ACOXL: variants seen among roughly 807,000 people sequenced by gnomAD.
The protein encoded by ACOXL is acyl-CoA oxidase like.
A neutral mutation model predicts 71.9 loss-of-function variants in ACOXL; 70 were observed. The ratio of observed to expected loss-of-function variants is 0.97; its 90% CI spans 0.80 to 1.19. ACOXL has a LOEUF of 1.19. Among genes scored for constraint, ACOXL ranks in the 50% most tolerant of loss-of-function variants. The pLI, the probability that ACOXL is intolerant of heterozygous loss-of-function variation, is 0.00. For synonymous variants in ACOXL, 253 were observed against 281.6 expected, an observed-to-expected ratio of 0.90 and a Z score of 1.02; for missense variants, 703 against 736.3, an observed-to-expected ratio of 0.95 and a Z score of 0.52.
chr2:110,854,093 G>A (rs903374804), intron 10 of ACOXL, among the ~76,000 whole-genome samples: 2 of 152,038 alleles, frequency 1.3e-5, no homozygotes, highest in Admixed American at 6.6e-5. Flanking sequence ...ATGCTCCAAG[G>A]CATGTGTGTG....
intron 9 of ACOXL, among the ~76,000 whole-genome samples, chr2:110,811,290 G>C (rs1573629525): frequency 6.6e-6 from 1 of 152,316 alleles, no homozygotes; most frequent in Non-Finnish European, 1.5e-5. Context: ...GCAGAGTAAG[G>C]AGTGTCTCTG....
At chr2:111,026,852 A>G (rs1574524334) in intron 14 of ACOXL, among the ~76,000 whole-genome samples, 1 of 152,256 alleles carries the variant, frequency 6.6e-6, no homozygotes, top group Non-Finnish European at 1.5e-5. Flanking sequence ...TCAGAAAGCA[A>G]GAGGAGGAAT....
At chr2:110,967,446 T>C (rs1163296204) in intron 12 of ACOXL, among the ~76,000 whole-genome samples, 2 of 152,120 alleles carry the variant, frequency 1.3e-5, no homozygotes, top group Non-Finnish European at 2.9e-5. Context: ...GAGAAGTGTG[T>C]TGCTCAATAT....
intron 1 of ACOXL, among the ~76,000 whole-genome samples, chr2:110,739,330 G>A (rs1307756811): frequency 1.3e-5 from 2 of 152,218 alleles, no homozygotes; most frequent in African/African-American, 4.8e-5. Flanking sequence ...AGAGGTGGAT[G>A]GGTGGAGAAT....
At chr2:111,091,223 A>G (rs1030650453) in intron 16 of ACOXL, among the ~76,000 whole-genome samples, 1 of 152,148 alleles carries the variant, frequency 6.6e-6, no homozygotes, top group African/African-American at 2.4e-5. Flanking sequence ...TCCAGTTACC[A>G]GCTCCAGGGT....
intron 14 of ACOXL, among the ~76,000 whole-genome samples, chr2:111,031,370 C>T (rs766311682): frequency 2.0e-5 from 3 of 152,162 alleles, no homozygotes; most frequent in African/African-American, 4.8e-5. Context: ...CTCCCCTTCA[C>T]GTGTTTCTCT....
chr2:111,031,384 G>A (rs531814500), intron 14 of ACOXL, among the ~76,000 whole-genome samples: 4 of 152,238 alleles, frequency 2.6e-5, no homozygotes, highest in East Asian at 1.9e-4. Flanking sequence ...TTTCTCTAAC[G>A]TCTGTGACCT....
At chr2:110,740,406 G>A (rs140932297) in intron 1 of ACOXL, among the ~76,000 whole-genome samples, 1 of 152,258 alleles carries the variant, frequency 6.6e-6, no homozygotes, top group East Asian at 1.9e-4. Flanking sequence ...TGGTGAGGTG[G>A]GCCCTGGCTC....
At chr2:110,766,367 G>A (rs1282746418) in intron 1 of ACOXL, among the ~76,000 whole-genome samples, 1 of 152,190 alleles carries the variant, frequency 6.6e-6, no homozygotes, top group Non-Finnish European at 1.5e-5. Context: ...AGGTGGCCAT[G>A]TATATTCAGC....
At chr2:111,020,846 T>A (rs2064721523) in intron 14 of ACOXL, among the ~76,000 whole-genome samples, 3 of 152,220 alleles carry the variant, frequency 2.0e-5, no homozygotes, top group Admixed American at 2.0e-4. Flanking sequence ...TAGAGACAGA[T>A]GTTGAACTCT....
Position 110,794,109 on chromosome 2 carries a change from G to C in ACOXL, c.280G>C (p.Glu94Gln). 1 of 1,614,162 alleles carries C rather than the reference G, an allele frequency of 6.2e-7. No homozygotes were observed. The highest frequency in any genetic ancestry group is 8.5e-7 in the Non-Finnish European group (1 of 1,180,028). The change falls in exon 5 of 18, where the codon GAG becomes CAG. Residue 94 changes from glutamate to glutamine, a missense_variant. Coordinates refer to ENST00000439055, the MANE Select transcript of ACOXL (RefSeq NM_001142807.4). ...ATACACTGGGATGTTTGCAATGACC[G>C]AGAGGGGCCATGGGAGCAACGCGAG... ...QKYTGMFAMTERGHGSNARGI... is the reference protein window; with the variant it reads ...QKYTGMFAMTQRGHGSNARGI...
Position 110,794,766 on chromosome 2 carries a change from CCTTTTCCTTT to C in ACOXL, c.345+602_345+611del, listed in dbSNP as rs1378008380. Among the ~76,000 whole-genome samples the C allele has an allele frequency of 5.9e-5, 9 of 152,146 alleles. No individual in the cohort carries two copies. In the South Asian group the frequency reaches 1.0e-3, roughly 18 times the overall value. ...TCCTTTTCATTCTTTTCTTTGTCTTCCTTTTCCTTTCTTTTCCTTCTCTGTTTTTCTTCCT... is the reference window on the plus strand; with the variant it reads ...TCCTTTTCATTCTTTTCTTTGTCTTCCTTTTCCTTCTCTGTTTTTCTTCCT... On this transcript the variant is annotated intron_variant, in intron 5 of 17. Coordinates refer to ENST00000439055, the MANE Select transcript of ACOXL (RefSeq NM_001142807.4).
At chr2:111,022,691 C>T (rs1253839182) in intron 14 of ACOXL, among the ~76,000 whole-genome samples, 1 of 152,076 alleles carries the variant, frequency 6.6e-6, no homozygotes, top group Non-Finnish European at 1.5e-5. Context: ...GCAGGACCCC[C>T]AGGGGCCCCC....
At chr2:110,814,097 T>C (rs1573643599) in intron 9 of ACOXL, among the ~76,000 whole-genome samples, 1 of 152,220 alleles carries the variant, frequency 6.6e-6, no homozygotes, top group South Asian at 2.1e-4. Context: ...TTTGCCTTGG[T>C]TAACCAAACC....
At chr2:110,861,082 C>G (rs1255326781) in intron 10 of ACOXL, among the ~76,000 whole-genome samples, 1 of 152,148 alleles carries the variant, frequency 6.6e-6, no homozygotes, top group Non-Finnish European at 1.5e-5. Context: ...TGCAGTGAGT[C>G]GAGATCATGC....
chr2:111,065,206 C>T (rs1235843231), intron 16 of ACOXL, among the ~76,000 whole-genome samples: 1 of 152,040 alleles, frequency 6.6e-6, no homozygotes, highest in African/African-American at 2.4e-5. Context: ...TACCAACATG[C>T]CCAACTGATT....
rs561518007 is a variant in ACOXL, at chr2:110,771,259, G to A, written c.75+2795G>A. On this transcript the variant is annotated intron_variant, in intron 2 of 17. Transcript: ENST00000439055. ...CTGTGTTTGAAGGCTCTCAAATTCC[G>A]CCCTGTAAACAGCTGGAGGAGCTGT... 1.1e-4 allele frequency among the ~76,000 whole-genome samples: 17 copies of A among 152,274 alleles called. No homozygotes were observed. In the East Asian group the frequency reaches 2.3e-3, roughly 21 times the overall value.
At chr2:110,780,347 C>G (rs62162651) in intron 2 of ACOXL, among the ~76,000 whole-genome samples, 6 of 152,142 alleles carry the variant, frequency 3.9e-5, no homozygotes, top group Non-Finnish European at 7.4e-5. Context: ...TTCATTGTTG[C>G]GAGGAGTGTA....
intron 11 of ACOXL, among the ~76,000 whole-genome samples, chr2:110,925,254 A>C (rs913605808): frequency 1.3e-5 from 2 of 152,234 alleles, no homozygotes; most frequent in African/African-American, 4.8e-5. Context: ...ACTTAAAGCC[A>C]CTAGCTGCAT....
Sources: gnomAD v4.1 joint callset for allele counts (sites outside exome capture counted in the v4.1 genomes callset) on GRCh38, gnomAD v4.1.1 for gene constraint, MANE v1.5 for transcripts, NCBI Gene and HGNC (gene_info 2026-07-23, HGNC 2026-07-21) for gene names.